Variants in COL19A1 observed in about 807,000 individuals in gnomAD.
COL19A1 encodes collagen type XIX alpha 1 chain, also known as collagen alpha-1(XIX) chain.
COL19A1 carries 159 observed loss-of-function variants against 190.2 expected under a neutral mutation model. That is an observed-to-expected ratio of 0.84 (90% CI 0.73 to 0.95). The LOEUF is 0.95. COL19A1 is among the 40% of genes least tolerant of loss of function. The pLI is 0.00. For missense variants in COL19A1, 1,418 were observed against 1,431.9 expected, an observed-to-expected ratio of 0.99 and a Z score of 0.16; for synonymous variants, 509 against 458.9, an observed-to-expected ratio of 1.11 and a Z score of -1.39.
intron 11 of COL19A1, among the ~76,000 whole-genome samples, chr6:69,995,413 C>A (rs1776848617): frequency 1.3e-5 from 2 of 152,110 alleles, no homozygotes; most frequent in South Asian, 2.1e-4. Flanking sequence ...GACTGTCATA[C>A]AAATGTCAGT....
intron 11 of COL19A1, among the ~76,000 whole-genome samples, chr6:70,004,355 GT>G (rs1562079886): frequency 6.6e-6 from 1 of 152,080 alleles, no homozygotes; most frequent in African/African-American, 2.4e-5. Flanking sequence ...GTGTCTTGGG[GT>G]TGATCTTCTC....
intron 11 of COL19A1, among the ~76,000 whole-genome samples, chr6:69,985,846 G>A (rs1582609086): frequency 6.6e-6 from 1 of 151,908 alleles, no homozygotes; most frequent in South Asian, 2.1e-4. Context: ...CATCTTAAAA[G>A]GCATATTATC....
chr6:70,146,204 C>A (rs1262757917), intron 25 of COL19A1, among the ~76,000 whole-genome samples: 2 of 152,036 alleles, frequency 1.3e-5, no homozygotes, highest in African/African-American at 2.4e-5. Flanking sequence ...GTTCCTAGGG[C>A]AGTATTGTAA....
intron 11 of COL19A1, 76 bp downstream of exon 11, chr6:69,962,946 T>A: frequency 8.2e-7 from 1 of 1,219,444 alleles, no homozygotes; most frequent in Non-Finnish European, 1.2e-6. Flanking sequence ...AATATTTAAC[T>A]TGTTTTGTGC....
At chr6:70,176,702 A>G in intron 42 of COL19A1, 138 bp downstream of exon 42, 3 of 609,660 alleles carry the variant, frequency 4.9e-6, no homozygotes, top group South Asian at 3.9e-5. Context: ...TTCTAGTTTC[A>G]TAAATAATGC....
At chr6:70,091,702 T>C (rs1020669107) in intron 15 of COL19A1, among the ~76,000 whole-genome samples, 12 of 152,166 alleles carry the variant, frequency 7.9e-5, no homozygotes, top group African/African-American at 2.7e-4. Flanking sequence ...GCCTTTAGGA[T>C]ACTTCCCTAG....
chr6:69,902,618 T>C (rs1770262082), intron 4 of COL19A1, among the ~76,000 whole-genome samples: 1 of 152,144 alleles, frequency 6.6e-6, no homozygotes, highest in African/African-American at 2.4e-5. Context: ...CCCTGGGCAA[T>C]AGTATCACAC....
At chr6:69,997,149 A>G (rs1776965448) in intron 11 of COL19A1, among the ~76,000 whole-genome samples, 1 of 152,086 alleles carries the variant, frequency 6.6e-6, no homozygotes, top group Non-Finnish European at 1.5e-5. Flanking sequence ...CAGCAAAAAG[A>G]AAAAGCAAAG....
At chr6:69,970,188 A>G (rs1775343406) in intron 11 of COL19A1, among the ~76,000 whole-genome samples, 1 of 152,200 alleles carries the variant, frequency 6.6e-6, no homozygotes, top group Non-Finnish European at 1.5e-5. Flanking sequence ...TTTTATTTTA[A>G]ATTAACAGTA....
At chr6:69,920,392 T>C (rs1365407912) in intron 4 of COL19A1, among the ~76,000 whole-genome samples, 2 of 152,178 alleles carry the variant, frequency 1.3e-5, no homozygotes, top group African/African-American at 2.4e-5. Context: ...AGAGAGCAGA[T>C]GCAAGCTACA....
intron 15 of COL19A1, among the ~76,000 whole-genome samples, chr6:70,086,163 T>G (rs1332194197): frequency 4.6e-5 from 7 of 152,140 alleles, no homozygotes; most frequent in Non-Finnish European, 1.0e-4. Flanking sequence ...TTTTCGTATT[T>G]CTATATTTTA....
At chr6:70,000,881 C>G (rs1251170501) in intron 11 of COL19A1, among the ~76,000 whole-genome samples, 1 of 152,130 alleles carries the variant, frequency 6.6e-6, no homozygotes, top group Non-Finnish European at 1.5e-5. Flanking sequence ...AATTATATCC[C>G]ATTTGTTAAT....
chr6:70,126,729 C>T (rs1785221235), intron 17 of COL19A1, among the ~76,000 whole-genome samples: 1 of 152,190 alleles, frequency 6.6e-6, no homozygotes, highest in African/African-American at 2.4e-5. Flanking sequence ...AATATATCAT[C>T]TCACAGTTCT....
intron 14 of COL19A1, among the ~76,000 whole-genome samples, chr6:70,052,009 G>C (rs1021098764): frequency 5.9e-5 from 9 of 151,946 alleles, no homozygotes; most frequent in African/African-American, 4.8e-5. Context: ...ATCTTAGAAA[G>C]CCAGATGATT....
chr6:70,094,914 T>C (rs1337916895), intron 15 of COL19A1, among the ~76,000 whole-genome samples: 1 of 152,194 alleles, frequency 6.6e-6, no homozygotes, highest in Non-Finnish European at 1.5e-5. Flanking sequence ...TTAAAAGTTA[T>C]ATTGAAATTT....
chr6:69,922,728 G>A (rs1325653007), intron 4 of COL19A1, among the ~76,000 whole-genome samples: 6 of 152,122 alleles, frequency 3.9e-5, no homozygotes, highest in Admixed American at 1.3e-4. Context: ...TGATCTGCCC[G>A]CCTCGGCCTC....
At chr6:70,103,602 G>A (rs184853944) in intron 16 of COL19A1, among the ~76,000 whole-genome samples, 7 of 151,868 alleles carry the variant, frequency 4.6e-5, no homozygotes, top group Non-Finnish European at 8.8e-5. Context: ...AGTAATCTTC[G>A]CTTACTATTT....
At chr6:69,945,006 T>C (rs1026213319) in intron 9 of COL19A1, among the ~76,000 whole-genome samples, 4 of 152,034 alleles carry the variant, frequency 2.6e-5, no homozygotes, top group African/African-American at 9.7e-5. Flanking sequence ...CCTTAGCAAC[T>C]GCATTACTTT....
chr6:70,179,002 C>T (rs1294060437), intron 42 of COL19A1, among the ~76,000 whole-genome samples: 1 of 152,104 alleles, frequency 6.6e-6, no homozygotes. Flanking sequence ...ATCTCTTTGT[C>T]TCAGATCTCA....
Sources: allele counts gnomAD v4.1 joint callset (sites outside exome capture counted in the v4.1 genomes callset), GRCh38; gene constraint gnomAD v4.1.1; transcripts MANE v1.5; gene names NCBI Gene and HGNC (gene_info 2026-07-23, HGNC 2026-07-21).